NECAB1: variants seen among roughly 807,000 people sequenced by gnomAD.
NECAB1 encodes N-terminal EF-hand calcium-binding protein 1.
In NECAB1, 29 loss-of-function variants were observed where a neutral mutation model predicts 57.5. The ratio of observed to expected loss-of-function variants is 0.50; its 90% CI spans 0.38 to 0.69. The LOEUF is 0.69. NECAB1 is among the 30% of genes least tolerant of loss of function. The pLI, the probability that NECAB1 is intolerant of heterozygous loss-of-function variation, is 0.00. For synonymous variants in NECAB1, 142 were observed against 147.7 expected (o/e 0.96, Z 0.28); for missense variants, 372 against 413.8 (o/e 0.90, Z 0.88).
chr8:90,864,283 A>T (rs531722498), intron 3 of NECAB1, among the ~76,000 whole-genome samples: 1 of 147,926 alleles, frequency 6.8e-6, no homozygotes, highest in East Asian at 2.1e-4. Flanking sequence ...GGTGGAAAAA[A>T]AAAACGAGGA....
chr8:90,896,776 C>G (rs28534440), intron 5 of NECAB1, among the ~76,000 whole-genome samples: 8 of 152,090 alleles, frequency 5.3e-5, no homozygotes, highest in Admixed American at 3.9e-4. Context: ...TGACTCATTC[C>G]GATTACCTAC....
intron 8 of NECAB1, among the ~76,000 whole-genome samples, chr8:90,933,603 A>G (rs1017979631): frequency 3.3e-5 from 5 of 152,270 alleles, no homozygotes; most frequent in East Asian, 1.9e-4. Flanking sequence ...GATGAGGGAT[A>G]AAAGACTACA....
intron 5 of NECAB1, among the ~76,000 whole-genome samples, chr8:90,896,637 A>C (rs1201918436): frequency 2.7e-5 from 4 of 147,474 alleles, no homozygotes; most frequent in Non-Finnish European, 6.0e-5. Context: ...AAAAACAAAA[A>C]AAACAAACAA....
intron 3 of NECAB1, among the ~76,000 whole-genome samples, chr8:90,842,168 C>T (rs1812466273): frequency 1.3e-5 from 2 of 152,040 alleles, no homozygotes; most frequent in South Asian, 4.2e-4. Flanking sequence ...ACCTGTATAT[C>T]CTGCACATGT....
intron 3 of NECAB1, among the ~76,000 whole-genome samples, chr8:90,860,526 AC>A (rs1178713416): frequency 6.6e-6 from 1 of 152,076 alleles, no homozygotes; most frequent in African/African-American, 2.4e-5. Context: ...ATGCTGTAGA[AC>A]CTGAGGGTTT....
At chr8:90,853,095 G>T (rs960776123) in intron 3 of NECAB1, among the ~76,000 whole-genome samples, 1 of 152,258 alleles carries the variant, frequency 6.6e-6, no homozygotes, top group Non-Finnish European at 1.5e-5. Flanking sequence ...CTGCCATGGG[G>T]CCTGCATGGA....
In NECAB1 at chr8:90,956,467, T is replaced by C. The variant is rs1012995834; in HGVS notation, c.*955T>C. 5 of 151,888 alleles carry C rather than the reference T, an allele frequency of 3.3e-5. No homozygotes were observed. The highest frequency in any genetic ancestry group is 1.2e-4 in the African/African-American group (5 of 41,394). 9.4% of individuals were successfully genotyped at this position (151,888 alleles called of 1,614,324 possible). On this transcript the variant is annotated 3_prime_UTR_variant, in exon 13 of 13. Coordinates refer to ENST00000417640, the MANE Select transcript of NECAB1 (RefSeq NM_022351.5). ...AGTATTAGACAGAAGACATCTGTTT[T>C]CGAATTTCAACACTAGAATGACTAA... is the stretch of plus-strand genomic sequence containing the variant.
chr8:90,953,108 C>T (rs886263776), intron 12 of NECAB1, among the ~76,000 whole-genome samples: 3 of 152,110 alleles, frequency 2.0e-5, no homozygotes, highest in African/African-American at 7.2e-5. Flanking sequence ...TCTCCCAAAC[C>T]AATGTGGAAA....
At chr8:90,887,137 A>T (rs1047144843) in intron 5 of NECAB1, among the ~76,000 whole-genome samples, 2 of 152,162 alleles carry the variant, frequency 1.3e-5, no homozygotes, top group Non-Finnish European at 2.9e-5. Flanking sequence ...TACTGATATT[A>T]CAGCTTGAAC....
intron 2 of NECAB1, among the ~76,000 whole-genome samples, chr8:90,817,603 G>C (rs1812080097): frequency 6.6e-6 from 1 of 151,254 alleles, no homozygotes; most frequent in Non-Finnish European, 1.5e-5. Context: ...TGTTGATTTT[G>C]TGGATTACAT....
At chr8:90,892,705 C>T (rs371823648) in intron 5 of NECAB1, among the ~76,000 whole-genome samples, 4 of 152,338 alleles carry the variant, frequency 2.6e-5, no homozygotes, top group East Asian at 3.9e-4. Context: ...CTCCTTGACT[C>T]GCACAGGGAT....
chr8:90,954,336 C>T (rs1465334930), intron 12 of NECAB1, among the ~76,000 whole-genome samples: 2 of 151,868 alleles, frequency 1.3e-5, no homozygotes, highest in East Asian at 3.9e-4. Context: ...TGAAAATATA[C>T]ACTATAATAT....
chr8:90,867,114 C>G (rs78309878), intron 3 of NECAB1, among the ~76,000 whole-genome samples: 6,333 of 152,190 alleles, frequency 0.042, 463 homozygotes, highest in African/African-American at 0.14. Flanking sequence ...CAATGTAGCA[C>G]AGAAACAGCT....
At chr8:90,829,459 C>T (rs1192717984) in intron 3 of NECAB1, among the ~76,000 whole-genome samples, 4 of 151,962 alleles carry the variant, frequency 2.6e-5, no homozygotes, top group Non-Finnish European at 5.9e-5. Flanking sequence ...ACCAATTTTC[C>T]CAGCACACTG....
chr8:90,876,769 G>A (rs138934132), intron 4 of NECAB1, among the ~76,000 whole-genome samples: 2 of 152,018 alleles, frequency 1.3e-5, no homozygotes, highest in African/African-American at 2.4e-5. Flanking sequence ...CTTATAAACT[G>A]TGCTCTACTT....
intron 9 of NECAB1, among the ~76,000 whole-genome samples, chr8:90,936,930 C>G (rs1810553721): frequency 2.0e-5 from 3 of 151,918 alleles, no homozygotes; most frequent in African/African-American, 7.3e-5. Context: ...TACCACTATT[C>G]TAATTTTACG....
At chr8:90,806,342 C>T (rs1482859720) in intron 2 of NECAB1, 5 of 152,130 alleles carry the variant, frequency 3.3e-5, no homozygotes, top group Non-Finnish European at 7.3e-5. Flanking sequence ...CCCAGGTCCA[C>T]CGTGGTGAGC....
At chr8:90,876,912 G>T (rs1783515650) in intron 4 of NECAB1, among the ~76,000 whole-genome samples, 1 of 152,122 alleles carries the variant, frequency 6.6e-6, no homozygotes, top group Non-Finnish European at 1.5e-5. Flanking sequence ...CCACATACAG[G>T]TTTCAACAAA....
chr8:90,859,794 T>C (rs945631445), intron 3 of NECAB1, among the ~76,000 whole-genome samples: 21 of 152,152 alleles, frequency 1.4e-4, no homozygotes, highest in Admixed American at 5.9e-4. Context: ...CACCATTTTT[T>C]CTAATGTAAT....
Sources: gnomAD v4.1 joint callset for allele counts (sites outside exome capture counted in the v4.1 genomes callset) on GRCh38, gnomAD v4.1.1 for gene constraint, MANE v1.5 for transcripts, NCBI Gene and HGNC (gene_info 2026-07-23, HGNC 2026-07-21) for gene names.